Variants in FBLN7 observed in about 807,000 individuals in gnomAD.
FBLN7 encodes fibulin-7.
Under a neutral mutation model 44.0 loss-of-function variants are expected in FBLN7, and 31 were observed. The observed-to-expected ratio is 0.70, with a 90% CI of 0.53 to 0.95. The LOEUF (loss-of-function observed/expected upper bound fraction) is 0.95, where lower values mean the gene tolerates loss of function less well. FBLN7 is among the 40% of genes least tolerant of loss of function. The pLI is 0.00. For synonymous variants in FBLN7, 262 were observed against 253.4 expected (o/e 1.03, Z -0.32); for missense variants, 573 against 618.5 (o/e 0.93, Z 0.78).
the FBLN7 span, among the ~76,000 whole-genome samples, chr2:112,208,148 C>T: frequency 1.3e-5 from 2 of 151,382 alleles, no homozygotes; most frequent in South Asian, 4.2e-4. Flanking sequence ...ACCAGTAATC[C>T]CAGCACTTTG....
the FBLN7 span, among the ~76,000 whole-genome samples, chr2:112,236,189 G>A: frequency 2.6e-5 from 4 of 152,024 alleles, no homozygotes; most frequent in Admixed American, 6.5e-5. Context: ...ACTTGAACCC[G>A]AGAGGCGGAG....
the FBLN7 span, among the ~76,000 whole-genome samples, chr2:112,195,448 G>A: frequency 3.4e-3 from 512 of 152,190 alleles, 1 homozygote; most frequent in Non-Finnish European, 5.9e-3. Flanking sequence ...TCTTTGACTC[G>A]TTTGTCCACC....
rs780033468 is a variant in FBLN7 at position 112,182,846 on chromosome 2, C to T, written c.726C>T (p.His242=). The T allele has an allele frequency of 2.5e-5, 41 of 1,612,700 alleles. No individual in the cohort carries two copies. The highest frequency in any genetic ancestry group is 1.6e-4 in the Middle Eastern group (1 of 6,078). The change falls in exon 6 of 8, where the codon CAC becomes CAT. Residue 242 remains histidine, a synonymous_variant. Transcript: ENST00000331203. ...AGGGGCGCCCCCGGCTCTGCATGCACGCCTGCGTGAACACCCCGGGCTCTT... is the reference window on the plus strand; with the variant it reads ...AGGGGCGCCCCCGGCTCTGCATGCATGCCTGCGTGAACACCCCGGGCTCTT... ...GQEGRPRLCM[H]ACVNTPGSYR... is the part of the protein sequence containing the mutation.
At chr2:112,157,967 G>A (rs1681522963) in intron 1 of FBLN7, among the ~76,000 whole-genome samples, 1 of 150,778 alleles carries the variant, frequency 6.6e-6, no homozygotes, top group South Asian at 2.1e-4. Context: ...CGCGATCTCG[G>A]CTCACTGCAG....
At chr2:112,241,614 T>C in the FBLN7 span, among the ~76,000 whole-genome samples, 3 of 152,198 alleles carry the variant, frequency 2.0e-5, no homozygotes, top group Non-Finnish European at 2.9e-5. Context: ...GTTTTGAACA[T>C]AGGAAACAAA....
At chr2:112,178,284 C>CA (rs894555774) in intron 4 of FBLN7, among the ~76,000 whole-genome samples, 292 of 141,338 alleles carry the variant, frequency 2.1e-3, no homozygotes, top group African/African-American at 3.7e-3. Flanking sequence ...AGAAAACAAA[C>CA]AAAAAAAAAC....
chr2:112,222,667 T>C, the FBLN7 span, among the ~76,000 whole-genome samples: 1 of 151,976 alleles, frequency 6.6e-6, no homozygotes, highest in Non-Finnish European at 1.5e-5. Context: ...TTATATGAGA[T>C]AAAAAAAGGA....
the FBLN7 span, among the ~76,000 whole-genome samples, chr2:112,232,256 CA>C: frequency 7.0e-6 from 1 of 142,434 alleles, no homozygotes; most frequent in South Asian, 2.2e-4. Context: ...GCGGAGGTTG[CA>C]GCGAACCAAG....
chr2:112,214,318 T>G, the FBLN7 span: 1 of 152,176 alleles, frequency 6.6e-6, no homozygotes, highest in Non-Finnish European at 1.5e-5. Flanking sequence ...GGTAAGTAGT[T>G]GATCACTTTA....
At chr2:112,234,165 C>G in the FBLN7 span, 8 of 1,606,686 alleles carry the variant, frequency 5.0e-6, no homozygotes, top group East Asian at 1.6e-4. Context: ...TTTGTTTTCC[C>G]TTGCGTTCCA....
rs78946929 is a variant in FBLN7, at chr2:112,161,495, G to A, written c.235+1660G>A. Among the ~76,000 whole-genome samples the A allele has an allele frequency of 2.8e-3, 429 of 152,312 alleles. 4 individuals are homozygous for A. The highest frequency in any genetic ancestry group is 0.014 in the Middle Eastern group (4 of 294). On this transcript the variant is annotated intron_variant, in intron 2 of 7. Coordinates refer to ENST00000331203, the MANE Select transcript of FBLN7 (RefSeq NM_153214.3). ...CCCAACTCCATGGTGCAGGCAGGGT[G>A]TCTTTCCTTCCTGCCTCAGATGGGG...
chr2:112,187,527 G>T lies in FBLN7; in HGVS notation c.*21G>T. ...TCTGAGGGTACACAGGGGCACTGGG[G>T]TGTGGAGAGCTGACCTCATTTCTCT... On this transcript the variant is annotated 3_prime_UTR_variant, in exon 8 of 8. Coordinates refer to ENST00000331203, the MANE Select transcript of FBLN7 (RefSeq NM_153214.3). The surrounding 1 kb of genome is among the most constrained non-coding windows in gnomAD (Gnocchi z 5.1). 1 of 1,610,564 alleles carries T rather than the reference G, an allele frequency of 6.2e-7. No homozygotes were observed. Among genetic ancestry groups the T allele is most frequent in the Non-Finnish European group, 8.5e-7 (1 of 1,177,640 alleles).
the FBLN7 span, among the ~76,000 whole-genome samples, chr2:112,196,455 C>T: frequency 7.0e-6 from 1 of 143,784 alleles, no homozygotes; most frequent in Admixed American, 7.3e-5. Flanking sequence ...ATTCTCATGC[C>T]AGTGCAGTGG....
At chr2:112,184,460 G>A (rs1683148776) in intron 6 of FBLN7, among the ~76,000 whole-genome samples, 1 of 152,030 alleles carries the variant, frequency 6.6e-6, no homozygotes, top group East Asian at 1.9e-4. Context: ...GCTCACGAAG[G>A]CCCACCTGGG....
intron 1 of FBLN7, among the ~76,000 whole-genome samples, chr2:112,149,730 G>A (rs746924176): frequency 2.6e-5 from 4 of 152,156 alleles, no homozygotes. Flanking sequence ...ATAAGGACAC[G>A]ACACACATTT....
chr2:112,174,970 T>C (rs1682663033), intron 3 of FBLN7, among the ~76,000 whole-genome samples: 1 of 152,012 alleles, frequency 6.6e-6, no homozygotes, highest in Non-Finnish European at 1.5e-5. Context: ...ATACAAAAAA[T>C]TATAAACTAG....
the FBLN7 span, among the ~76,000 whole-genome samples, chr2:112,237,580 T>TTAA: frequency 2.4e-5 from 1 of 41,148 alleles, no homozygotes; most frequent in Non-Finnish European, 7.3e-5. Flanking sequence ...AAAATTTTAA[T>TTAA]TTTTTTTTTT....
At chr2:112,170,145 G>A (rs1290419148) in intron 3 of FBLN7, among the ~76,000 whole-genome samples, 1 of 152,162 alleles carries the variant, frequency 6.6e-6, no homozygotes, top group Non-Finnish European at 1.5e-5. Context: ...GGGAGGCTGA[G>A]GCAGAAGAAT....
chr2:112,146,313 G>A (rs1680895342), intron 1 of FBLN7, among the ~76,000 whole-genome samples: 2 of 152,138 alleles, frequency 1.3e-5, no homozygotes, highest in African/African-American at 4.8e-5. Flanking sequence ...GGCAACAAGA[G>A]CAAAACTCTG....
Sources: allele counts gnomAD v4.1 joint callset (sites outside exome capture counted in the v4.1 genomes callset), GRCh38; gene constraint gnomAD v4.1.1; non-coding constraint Gnocchi (gnomAD v3.1); transcripts MANE v1.5; gene names NCBI Gene and HGNC (gene_info 2026-07-23, HGNC 2026-07-21).